Variants in GSK3B observed in about 807,000 individuals in gnomAD.
GSK3B encodes the protein glycogen synthase kinase-3 beta.
Under a neutral mutation model 56.4 loss-of-function variants are expected in GSK3B, and 15 were observed. That is an observed-to-expected ratio of 0.27 (90% CI 0.18 to 0.41). The LOEUF is 0.41. GSK3B is among the 10% of genes least tolerant of loss of function. The probability of loss-of-function intolerance (pLI) is 1.00; values close to 1 mark genes in which losing one functional copy is unlikely to be tolerated. For synonymous variants in GSK3B, 181 were observed against 188.9 expected, an observed-to-expected ratio of 0.96 and a Z score of 0.34; for missense variants, 300 against 513.4, an observed-to-expected ratio of 0.58 and a Z score of 4.02.
chr3:120,002,582 G>T (rs764778353), intron 1 of GSK3B, among the ~76,000 whole-genome samples: 1 of 152,022 alleles, frequency 6.6e-6, no homozygotes, highest in Non-Finnish European at 1.5e-5. Flanking sequence ...CAGGTGATCC[G>T]CCCTCCTTGG....
At chr3:119,891,428 ATTAAG>A (rs1017299565) in intron 7 of GSK3B, among the ~76,000 whole-genome samples, 3 of 152,102 alleles carry the variant, frequency 2.0e-5, no homozygotes, top group Admixed American at 2.0e-4. Context: ...TAGGTTTTAT[ATTAAG>A]TTTTTATTAG....
chr3:119,836,278 A>C (rs915458209), intron 10 of GSK3B, among the ~76,000 whole-genome samples: 3 of 152,188 alleles, frequency 2.0e-5, no homozygotes, highest in Admixed American at 6.5e-5. Context: ...AAGTAACAGT[A>C]AGAGCTTTTC....
At chr3:120,081,502 G>A (rs1017197220) in intron 1 of GSK3B, among the ~76,000 whole-genome samples, 3 of 151,998 alleles carry the variant, frequency 2.0e-5, no homozygotes, top group Non-Finnish European at 2.9e-5. Flanking sequence ...AGCCAAGATC[G>A]CGCCACTGCA....
intron 7 of GSK3B, among the ~76,000 whole-genome samples, chr3:119,876,992 G>A (rs1262307663): frequency 6.6e-6 from 1 of 151,992 alleles, no homozygotes; most frequent in Non-Finnish European, 1.5e-5. Context: ...TCCAGTCTTT[G>A]GTATTCTGTT....
intron 3 of GSK3B, among the ~76,000 whole-genome samples, chr3:119,926,954 T>C (rs1289717878): frequency 6.6e-6 from 1 of 152,192 alleles, no homozygotes; most frequent in Non-Finnish European, 1.5e-5. Context: ...TATAAATGAC[T>C]CTTACCATTG....
chr3:119,928,286 T>C (rs1341570844), intron 3 of GSK3B, among the ~76,000 whole-genome samples: 1 of 152,018 alleles, frequency 6.6e-6, no homozygotes, highest in Non-Finnish European at 1.5e-5. Context: ...GTAAGCTAAG[T>C]AGACATAGGT....
chr3:119,910,635 A>G (rs1469616409), intron 6 of GSK3B, among the ~76,000 whole-genome samples: 1 of 152,166 alleles, frequency 6.6e-6, no homozygotes, highest in African/African-American at 2.4e-5. Context: ...GTGACAATGA[A>G]GTTTGCCACA....
rs559249442 is a variant in GSK3B at position 120,050,391 on chromosome 3, C to T, written c.88+42956G>A. On this transcript the variant is annotated intron_variant, in intron 1 of 10. Coordinates refer to ENST00000264235, the MANE Select transcript of GSK3B (RefSeq NM_001146156.2). The stretch of plus-strand genomic sequence containing the variant: ...TCTAATAAAACTTGATTTACAAAGA[C>T]AGACGGCTAGCCGTATTTGGCTTTA... 2.6e-5 allele frequency among the ~76,000 whole-genome samples: 4 copies of T among 152,348 alleles called. No individual in the cohort carries two copies. The East Asian group carries it at 7.7e-4, about 29-fold the overall frequency.
intron 1 of GSK3B, chr3:120,028,616 T>A: frequency 3.3e-6 from 1 of 306,242 alleles, no homozygotes; most frequent in Non-Finnish European, 6.5e-6. Flanking sequence ...TCTAGCCTTA[T>A]GGAAAACATA....
intron 1 of GSK3B, among the ~76,000 whole-genome samples, chr3:120,086,794 C>T (rs939903655): frequency 1.3e-5 from 2 of 151,074 alleles, no homozygotes; most frequent in African/African-American, 4.9e-5. Context: ...CAGCGAGACC[C>T]TGTCTCCAAA....
chr3:120,071,096 C>T (rs1321441444), intron 1 of GSK3B, among the ~76,000 whole-genome samples: 1 of 152,200 alleles, frequency 6.6e-6, no homozygotes, highest in African/African-American at 2.4e-5. Flanking sequence ...TTGAGGGATG[C>T]TATAAGCAGC....
At chr3:120,021,233 C>T (rs6780850) in intron 1 of GSK3B, among the ~76,000 whole-genome samples, 7 of 151,758 alleles carry the variant, frequency 4.6e-5, no homozygotes, top group East Asian at 1.9e-4. Flanking sequence ...TCAGCGGGTG[C>T]GGTGGCTCAT....
intron 7 of GSK3B, among the ~76,000 whole-genome samples, chr3:119,896,474 G>A (rs2056567882): frequency 1.3e-5 from 2 of 151,656 alleles, no homozygotes; most frequent in Non-Finnish European, 2.9e-5. Flanking sequence ...ACTTTCCTTC[G>A]AGAATCACTA....
chr3:119,902,071 C>A (rs1038595353), intron 7 of GSK3B, among the ~76,000 whole-genome samples: 1 of 152,050 alleles, frequency 6.6e-6, no homozygotes, highest in Non-Finnish European at 1.5e-5. Flanking sequence ...CCTTAAAAAA[C>A]GTGAGAACTG....
intron 2 of GSK3B, among the ~76,000 whole-genome samples, chr3:119,996,003 G>C (rs1056104276): frequency 6.6e-6 from 1 of 152,176 alleles, no homozygotes; most frequent in African/African-American, 2.4e-5. Context: ...CTCCTGAAGT[G>C]CTGGGATTAC....
At chr3:120,053,316 G>A (rs909674292) in intron 1 of GSK3B, among the ~76,000 whole-genome samples, 4 of 152,114 alleles carry the variant, frequency 2.6e-5, no homozygotes, top group East Asian at 1.9e-4. Flanking sequence ...CAGCCTGGGC[G>A]ACAGAGTGAG....
intron 7 of GSK3B, among the ~76,000 whole-genome samples, chr3:119,880,440 GC>G (rs1336560839): frequency 1.3e-5 from 2 of 152,050 alleles, no homozygotes; most frequent in Admixed American, 6.6e-5. Context: ...CCTTTGCTGT[GC>G]AGAAGCTTTT....
At chr3:120,059,023 A>C (rs1576301994) in intron 1 of GSK3B, among the ~76,000 whole-genome samples, 1 of 152,140 alleles carries the variant, frequency 6.6e-6, no homozygotes, top group East Asian at 1.9e-4. Context: ...AAAAAAAAAA[A>C]AAAGAATGCA....
At chr3:119,877,238 A>T (rs1050212568) in intron 7 of GSK3B, among the ~76,000 whole-genome samples, 5 of 152,148 alleles carry the variant, frequency 3.3e-5, no homozygotes, top group Admixed American at 2.0e-4. Context: ...TTCTTCACTT[A>T]GTTCAGTATA....
Sources: gnomAD v4.1 joint callset for allele counts (sites outside exome capture counted in the v4.1 genomes callset) on GRCh38, gnomAD v4.1.1 for gene constraint, MANE v1.5 for transcripts, NCBI Gene and HGNC (gene_info 2026-07-23, HGNC 2026-07-21) for gene names.